HAUS4: variants seen among roughly 807,000 people sequenced by gnomAD.
The protein encoded by HAUS4 is HAUS augmin-like complex subunit 4.
A neutral mutation model predicts 50.6 loss-of-function variants in HAUS4; 34 were observed. The ratio of observed to expected loss-of-function variants is 0.67; its 90% CI spans 0.51 to 0.90. HAUS4 has a LOEUF of 0.90. HAUS4 is among the 40% of genes least tolerant of loss of function. HAUS4 has a pLI of 0.00. For synonymous variants in HAUS4, 149 were observed against 161.4 expected, an observed-to-expected ratio of 0.92 and a Z score of 0.58; for missense variants, 370 against 428.7, an observed-to-expected ratio of 0.86 and a Z score of 1.21.
chr14:22,951,026 G>C (rs2044742488), intron 5 of HAUS4, among the ~76,000 whole-genome samples: 1 of 152,002 alleles, frequency 6.6e-6, no homozygotes, highest in African/African-American at 2.4e-5. Context: ...TTTTGAGACA[G>C]GGTCTCACTC....
chr14:22,954,010 C>T (rs931765249), intron 2 of HAUS4, among the ~76,000 whole-genome samples: 4 of 152,066 alleles, frequency 2.6e-5, no homozygotes, highest in East Asian at 3.9e-4. Flanking sequence ...TCAGGTGATC[C>T]GCCCGCCTTG....
intron 8 of HAUS4, 106 bp downstream of exon 8, chr14:22,947,495 A>G: frequency 8.2e-7 from 1 of 1,219,544 alleles, no homozygotes; most frequent in Non-Finnish European, 1.2e-6. Flanking sequence ...TTTACTGGAT[A>G]CCCACAAGGC....
Position 22,946,593 on chromosome 14 carries a change from T to A in HAUS4, c.1024A>T (p.Thr342Ser), listed in dbSNP as rs767978772. Residue 342 changes from threonine (T) to serine (S), a missense_variant, in exon 10 of 10, where the codon ACC becomes TCC. Coordinates refer to ENST00000541587, the MANE Select transcript of HAUS4 (RefSeq NM_001166269.2). Reference protein sequence around the residue: ...EEFDRLVKEYTVLKQATENKR... With the variant: ...EEFDRLVKEYSVLKQATENKR... ...TTCTCTGTTGCCTGCTTGAGTACGG[T>A]GTACTCTTTCACCAGCCTGTCAAAC... 6.2e-7 allele frequency: 1 copy of A among 1,613,566 alleles called. No individual in the cohort carries two copies. Among genetic ancestry groups the A allele is most frequent in the African/African-American group, 1.3e-5 (1 of 74,892 alleles).
chr14:22,954,100 G>A (rs1390213098), intron 2 of HAUS4, among the ~76,000 whole-genome samples: 2 of 152,184 alleles, frequency 1.3e-5, no homozygotes, highest in Non-Finnish European at 2.9e-5. Flanking sequence ...TGTCAGTAGA[G>A]TTGAGTAACC....
chr14:22,947,996 C>T lies in HAUS4; in HGVS notation c.580G>A (p.Val194Met), dbSNP rs1436818161. The part of the protein sequence containing the change: ...DPNSDADSET[V>M]KAAKVWKLAE... ...AGTTTCCACACCTTTGCTGCCTTCA[C>T]GGTTTCACTGTCAGCATCTGAGCAA... Residue 194 changes from valine to methionine, a missense_variant, in exon 7 of 10, where the codon GTG becomes ATG. Physicochemically the swap from Val to Met is conservative, Grantham distance 21. Transcript: ENST00000541587. 13 of 1,611,752 alleles carry T rather than the reference C, an allele frequency of 8.1e-6. No homozygotes were observed. The highest frequency in any genetic ancestry group is 4.5e-5 in the East Asian group (2 of 44,876).
chr14:22,948,303 A>G (rs1280411955), intron 6 of HAUS4: 3 of 325,630 alleles, frequency 9.2e-6, no homozygotes, highest in Non-Finnish European at 1.7e-5. Context: ...ATTCTAAAAT[A>G]TTAGTTAGGC....
chr14:22,947,565 CAG>C lies in HAUS4; in HGVS notation c.839+34_839+35del, dbSNP rs918056069. 1.9e-6 allele frequency: 3 copies of C among 1,610,740 alleles called. No individual in the cohort carries two copies. The African/African-American group carries it at 4.0e-5, about 22-fold the overall frequency. On this transcript the variant is annotated intron_variant, in intron 8 of 9. Coordinates refer to ENST00000541587, the MANE Select transcript of HAUS4 (RefSeq NM_001166269.2). ...GGGATAGAGGGCTGATAACGTGAGA[CAG>C]AATCCCTTAAGATCCACAGGGGTCA...
chr14:22,948,579 C>T (rs867339700), intron 6 of HAUS4, among the ~76,000 whole-genome samples: 85 of 151,752 alleles, frequency 5.6e-4, no homozygotes, highest in Admixed American at 2.4e-3. Flanking sequence ...ACTGTCACCT[C>T]GGCCGGAGTG....
rs1037426457 is a variant in HAUS4, at chr14:22,947,963, C to A, written c.613G>T (p.Val205Phe). ...CACTGCTGCTGCTCACCCACCAGGA[C>A]CTCTGCGAGTTTCCACACCTTTGCT... ...KAAKVWKLAEVLVGEQQQCQD... is the reference protein window; with the variant it reads ...KAAKVWKLAEFLVGEQQQCQD... Residue 205 changes from valine (V) to phenylalanine (F), a missense_variant, in exon 7 of 10, where the codon GTC (valine) becomes TTC (phenylalanine). Transcript: ENST00000541587. 1.9e-6 allele frequency: 3 copies of A among 1,613,982 alleles called. No individual in the cohort carries two copies. The highest frequency in any genetic ancestry group is 1.7e-5 in the Admixed American group (1 of 59,984).
intron 6 of HAUS4, among the ~76,000 whole-genome samples, chr14:22,948,752 G>A (rs997924324): frequency 5.9e-5 from 9 of 151,878 alleles, no homozygotes; most frequent in Admixed American, 5.2e-4. Flanking sequence ...GGCCAGGTTG[G>A]TCTCGAACGC....
rs774168280 is a variant in HAUS4, at chr14:22,955,174, A to C, written c.-20T>G. 1 of 1,586,340 alleles carries C rather than the reference A, an allele frequency of 6.3e-7. No individual in the cohort carries two copies. The highest frequency in any genetic ancestry group is 1.7e-5 in the Admixed American group (1 of 59,984). ...TGCCATTTGATTTTCTTGGGATTCT[A>C]ATCTGTGGAACCAAGAAGTGAAAGA... On this transcript the variant is annotated splice_region_variant and 5_prime_UTR_variant, in exon 2 of 10. In the 5' UTR this introduces an upstream ATG that the reference lacks. Coordinates refer to ENST00000541587, the MANE Select transcript of HAUS4 (RefSeq NM_001166269.2).
intron 6 of HAUS4, 133 bp from the exon 7 acceptor site, chr14:22,948,146 A>G (rs2044678588): frequency 1.1e-6 from 1 of 944,328 alleles, no homozygotes; most frequent in Non-Finnish European, 1.5e-6. Context: ...CTAATAATCT[A>G]TTAAAAATGG....
intron 6 of HAUS4, among the ~76,000 whole-genome samples, chr14:22,949,984 C>G (rs1003774574): frequency 1.3e-5 from 2 of 151,792 alleles, no homozygotes; most frequent in African/African-American, 4.8e-5. Flanking sequence ...CAAAATTAGC[C>G]GAGCGGGGTG....
intron 7 of HAUS4, 29 bp from the exon 8 acceptor site, chr14:22,947,760 CATAA>C: frequency 6.2e-7 from 1 of 1,613,238 alleles, no homozygotes; most frequent in African/African-American, 1.3e-5. Flanking sequence ...AAGAAGAGGG[CATAA>C]ATAAAGATAG....
Position 22,946,455 on chromosome 14 carries a change from T to C in HAUS4, c.*70A>G. On this transcript the variant is annotated 3_prime_UTR_variant, in exon 10 of 10. Transcript: ENST00000541587. ...TACTGAAGGCAGCCCCAGGTGAAGG[T>C]GGTCCCACTAGCAGGAAGATTAGGA... The C allele has an allele frequency of 7.9e-7, 1 of 1,266,552 alleles. No homozygotes were observed. The highest frequency in any genetic ancestry group is 2.4e-5 in the East Asian group (1 of 42,146). 78.5% of individuals were successfully genotyped at this position (1,266,552 alleles called of 1,614,324 possible).
At chr14:22,950,162 T>C in intron 6 of HAUS4, 152 bp downstream of exon 6, 1 of 421,866 alleles carries the variant, frequency 2.4e-6, no homozygotes, top group Non-Finnish European at 4.2e-6. Flanking sequence ...CAAAAAGTCC[T>C]TGTTTTTATT....
chr14:22,949,961 TC>T (rs2044721114), intron 6 of HAUS4, among the ~76,000 whole-genome samples: 1 of 151,904 alleles, frequency 6.6e-6, no homozygotes. Flanking sequence ...AAACCCCATC[TC>T]TACTAAAAAT....
intron 6 of HAUS4, among the ~76,000 whole-genome samples, chr14:22,948,454 C>T (rs941567190): frequency 0.016 from 966 of 58,950 alleles, 17 homozygotes; most frequent in Middle Eastern, 0.048. Flanking sequence ...AAAAAAAAAG[C>T]GGGGGGGGGG....
At chr14:22,950,592 T>C (rs1246660396) in intron 5 of HAUS4, among the ~76,000 whole-genome samples, 182 bp from the exon 6 acceptor site, 1 of 152,232 alleles carries the variant, frequency 6.6e-6, no homozygotes, top group African/African-American at 2.4e-5. Context: ...AGACCCCATG[T>C]TGGTGAGAAC....
Sources: gnomAD v4.1 joint callset for allele counts (sites outside exome capture counted in the v4.1 genomes callset) on GRCh38, gnomAD v4.1.1 for gene constraint, MANE v1.5 for transcripts, NCBI Gene and HGNC (gene_info 2026-07-23, HGNC 2026-07-21) for gene names.